KAT2B: variants seen among roughly 807,000 people sequenced by gnomAD.
KAT2B encodes the protein histone acetyltransferase KAT2B.
Under a neutral mutation model 105.9 loss-of-function variants are expected in KAT2B, and 36 were observed. The ratio of observed to expected loss-of-function variants is 0.34; its 90% CI spans 0.26 to 0.45. KAT2B has a LOEUF of 0.45. Ranked by LOEUF, KAT2B falls within the 20% of genes least tolerant of loss-of-function variation. The probability of loss-of-function intolerance (pLI) is 1.00; values close to 1 mark genes in which losing one functional copy is unlikely to be tolerated. For synonymous variants in KAT2B, 397 were observed against 377.9 expected (o/e 1.05, Z -0.59); for missense variants, 820 against 1,021.6 (o/e 0.80, Z 2.69).
intron 4 of KAT2B, among the ~76,000 whole-genome samples, chr3:20,100,353 T>C (rs1262940355): frequency 6.6e-6 from 1 of 152,138 alleles, no homozygotes; most frequent in Non-Finnish European, 1.5e-5. Flanking sequence ...AAAAACATTG[T>C]AAGTCAAGCA....
chr3:20,070,772 G>A (rs1160361273), intron 1 of KAT2B, among the ~76,000 whole-genome samples: 5 of 151,242 alleles, frequency 3.3e-5, no homozygotes, highest in Non-Finnish European at 7.4e-5. Context: ...ACTTTGGGAG[G>A]CCAAGGTGGG....
chr3:20,040,832 C>G (rs758843305), intron 1 of KAT2B, 52 bp downstream of exon 1: 4 of 1,515,594 alleles, frequency 2.6e-6, no homozygotes, highest in Admixed American at 4.1e-5. Context: ...GCCCAGCCCG[C>G]GGGACCCCCC....
intron 11 of KAT2B, among the ~76,000 whole-genome samples, chr3:20,132,157 C>G (rs1217185473): frequency 6.6e-6 from 1 of 152,198 alleles, no homozygotes; most frequent in Admixed American, 6.5e-5. Context: ...GGCGGATCAC[C>G]TGAGGTTGGG....
chr3:20,060,963 C>G (rs1157342670), intron 1 of KAT2B, among the ~76,000 whole-genome samples: 9 of 151,928 alleles, frequency 5.9e-5, no homozygotes, highest in Admixed American at 3.3e-4. Context: ...ACAACAACAA[C>G]AACAAAACTG....
chr3:20,052,367 G>T (rs1340778394), intron 1 of KAT2B, among the ~76,000 whole-genome samples: 3 of 152,142 alleles, frequency 2.0e-5, no homozygotes, highest in Non-Finnish European at 4.4e-5. Flanking sequence ...AGCCCATAAG[G>T]CCTCAGCCCA....
intron 1 of KAT2B, among the ~76,000 whole-genome samples, chr3:20,066,072 C>T (rs143567894): frequency 6.6e-6 from 1 of 152,212 alleles, no homozygotes; most frequent in East Asian, 1.9e-4. Flanking sequence ...ATCTGGGCCA[C>T]ACTCCTTTTG....
intron 1 of KAT2B, among the ~76,000 whole-genome samples, chr3:20,053,937 A>G (rs1276284793): frequency 1.3e-5 from 2 of 152,050 alleles, no homozygotes; most frequent in African/African-American, 2.4e-5. Context: ...AGCTGAGATT[A>G]CAGGCATGTA....
At chr3:20,104,806 C>T (rs892296181) in intron 5 of KAT2B, among the ~76,000 whole-genome samples, 1 of 151,982 alleles carries the variant, frequency 6.6e-6, no homozygotes, top group African/African-American at 2.4e-5. Context: ...AAATTAAAAG[C>T]AGACTGAACA....
At chr3:20,146,284 C>T in intron 13 of KAT2B, 32 bp from the exon 14 acceptor site, 1 of 1,257,096 alleles carries the variant, frequency 8.0e-7, no homozygotes, top group South Asian at 1.2e-5. Flanking sequence ...AGACTTCTTT[C>T]CCTAAACACA....
At chr3:20,107,555 GGC>G (rs1699043362) in intron 5 of KAT2B, among the ~76,000 whole-genome samples, 2 of 150,360 alleles carry the variant, frequency 1.3e-5, no homozygotes, top group South Asian at 2.1e-4. Flanking sequence ...CTACTTGGGA[GGC>G]TGGGGCAGGA....
intron 11 of KAT2B, among the ~76,000 whole-genome samples, chr3:20,134,700 A>C (rs1699571313): frequency 6.6e-6 from 1 of 152,002 alleles, no homozygotes; most frequent in African/African-American, 2.4e-5. Context: ...AGCCACTAGG[A>C]TTATAGGCCA....
chr3:20,063,307 G>A (rs9816216), intron 1 of KAT2B, among the ~76,000 whole-genome samples: 60,512 of 150,552 alleles, frequency 0.4, 12,345 homozygotes, highest in Middle Eastern at 0.47. Flanking sequence ...CCTTCCCAGC[G>A]TGCTGGGATT....
chr3:20,074,832 G>T (rs2125182879), intron 2 of KAT2B, among the ~76,000 whole-genome samples: 1 of 152,310 alleles, frequency 6.6e-6, no homozygotes, highest in East Asian at 1.9e-4. Context: ...CTGTGGAGGA[G>T]CTTGTGCCTG....
chr3:20,092,705 T>C (rs898438067), intron 2 of KAT2B, among the ~76,000 whole-genome samples: 9 of 151,830 alleles, frequency 5.9e-5, no homozygotes, highest in Non-Finnish European at 1.3e-4. Context: ...CGTTTTTTGT[T>C]GTTGTTGTTG....
At chr3:20,145,516 C>T (rs1017030489) in intron 13 of KAT2B, among the ~76,000 whole-genome samples, 3 of 97,510 alleles carry the variant, frequency 3.1e-5, no homozygotes, top group Non-Finnish European at 6.8e-5. Context: ...TCCAAAATTT[C>T]GTTATGATAT....
chr3:20,075,468 T>C (rs1306427387), intron 2 of KAT2B, among the ~76,000 whole-genome samples: 1 of 151,854 alleles, frequency 6.6e-6, no homozygotes. Flanking sequence ...ATCCCACAGG[T>C]TAAGGGCACA....
intron 1 of KAT2B, among the ~76,000 whole-genome samples, chr3:20,056,456 C>A (rs1698005812): frequency 6.6e-6 from 1 of 152,090 alleles, no homozygotes; most frequent in African/African-American, 2.4e-5. Context: ...TGTTAATAGA[C>A]AAATGCTATT....
chr3:20,085,711 A>G (rs1240908953), intron 2 of KAT2B, among the ~76,000 whole-genome samples: 4 of 151,944 alleles, frequency 2.6e-5, no homozygotes, highest in African/African-American at 9.7e-5. Flanking sequence ...GGGTTTTGCC[A>G]CACTAGCCAG....
chr3:20,115,757 A>T (rs1378958911), intron 7 of KAT2B, among the ~76,000 whole-genome samples: 1 of 152,168 alleles, frequency 6.6e-6, no homozygotes, highest in Non-Finnish European at 1.5e-5. Flanking sequence ...ATTGCCTTGT[A>T]CTTCTCTATA....
Sources: allele counts gnomAD v4.1 joint callset (sites outside exome capture counted in the v4.1 genomes callset), GRCh38; gene constraint gnomAD v4.1.1; transcripts MANE v1.5; gene names NCBI Gene and HGNC (gene_info 2026-07-23, HGNC 2026-07-21).